The following EMCN variants were observed in gnomAD, a reference collection of about 807,000 sequenced individuals.
The protein encoded by EMCN is MUC-14.
Under a neutral mutation model 38.4 loss-of-function variants are expected in EMCN, and 37 were observed. The ratio of observed to expected loss-of-function variants is 0.96; its 90% CI spans 0.74 to 1.27. The LOEUF (loss-of-function observed/expected upper bound fraction) is 1.27. EMCN is among the 50% of genes most tolerant of loss of function. The pLI, the probability that EMCN is intolerant of heterozygous loss-of-function variation, is 0.00. For synonymous variants in EMCN, 95 were observed against 100.8 expected (o/e 0.94, Z 0.35); for missense variants, 318 against 302.8 (o/e 1.05, Z -0.37).
At chr4:100,443,353 T>C (rs1727575503) in intron 5 of EMCN, among the ~76,000 whole-genome samples, 1 of 152,218 alleles carries the variant, frequency 6.6e-6, no homozygotes, top group Admixed American at 6.5e-5. Context: ...TGCATATGGG[T>C]CTGAGGCTGC....
At chr4:100,482,112 T>C (rs1459706963) in intron 1 of EMCN, among the ~76,000 whole-genome samples, 1 of 152,160 alleles carries the variant, frequency 6.6e-6, no homozygotes, top group African/African-American at 2.4e-5. Context: ...TAATAATGTA[T>C]ATCATATATG....
intron 3 of EMCN, among the ~76,000 whole-genome samples, chr4:100,470,750 G>C (rs1728454707): frequency 6.6e-6 from 1 of 151,966 alleles, no homozygotes; most frequent in African/African-American, 2.4e-5. Context: ...GGATGAAGCT[G>C]GAGGACATTA....
chr4:100,463,511 C>T lies in EMCN; in HGVS notation c.376+1912G>A, dbSNP rs75090244. Among the ~76,000 whole-genome samples, 1,219 of 152,246 alleles carry T rather than the reference C, an allele frequency of 8.0e-3. 18 individuals are homozygous for T. The highest frequency in any genetic ancestry group is 0.027 in the African/African-American group (1,118 of 41,550). ...AGCTTTATAAAAAATATGATTTACACACCATTAAATGCACTCATTTTAAGA... is the reference window on the plus strand; with the variant it reads ...AGCTTTATAAAAAATATGATTTACATACCATTAAATGCACTCATTTTAAGA... On this transcript the variant is annotated intron_variant, in intron 4 of 11. Coordinates refer to ENST00000296420, the MANE Select transcript of EMCN (RefSeq NM_016242.4).
chr4:100,441,392 G>A (rs1470203369), intron 5 of EMCN, among the ~76,000 whole-genome samples: 1 of 152,110 alleles, frequency 6.6e-6, no homozygotes. Context: ...CAGCCTATGT[G>A]TCCTTAAAGC....
intron 11 of EMCN, among the ~76,000 whole-genome samples, chr4:100,400,875 G>A (rs1726240552): frequency 6.6e-6 from 1 of 151,988 alleles, no homozygotes; most frequent in Non-Finnish European, 1.5e-5. Flanking sequence ...ACCAATATCA[G>A]TCTTTGCTTT....
At chr4:100,424,635 G>A (rs1471782596) in intron 5 of EMCN, among the ~76,000 whole-genome samples, 2 of 152,052 alleles carry the variant, frequency 1.3e-5, no homozygotes, top group Non-Finnish European at 2.9e-5. Flanking sequence ...ATCTGTGGGT[G>A]GAAGCTAGAT....
chr4:100,447,730 A>T (rs1727718164), intron 4 of EMCN, among the ~76,000 whole-genome samples, 159 bp from the exon 5 acceptor site: 1 of 152,150 alleles, frequency 6.6e-6, no homozygotes, highest in South Asian at 2.1e-4. Flanking sequence ...GATTACAAGA[A>T]ACTTCAGAGA....
intron 5 of EMCN, among the ~76,000 whole-genome samples, chr4:100,444,803 G>T (rs1384406753): frequency 6.6e-6 from 1 of 152,128 alleles, no homozygotes; most frequent in Non-Finnish European, 1.5e-5. Context: ...GAGACAAGAG[G>T]TAGGGGCTGA....
chr4:100,473,521 C>G (rs1327916240), intron 3 of EMCN, among the ~76,000 whole-genome samples: 1 of 151,652 alleles, frequency 6.6e-6, no homozygotes, highest in Non-Finnish European at 1.5e-5. Flanking sequence ...GCAGACAACT[C>G]ACGATATAAA....
At chr4:100,470,036 G>T (rs1333340045) in intron 3 of EMCN, among the ~76,000 whole-genome samples, 3 of 151,946 alleles carry the variant, frequency 2.0e-5, no homozygotes, top group African/African-American at 7.2e-5. Context: ...AGCAAAAATT[G>T]ACAAATGGGA....
At chr4:100,514,654 A>C (rs1181059104) in intron 1 of EMCN, among the ~76,000 whole-genome samples, 1 of 152,056 alleles carries the variant, frequency 6.6e-6, no homozygotes, top group Non-Finnish European at 1.5e-5. Context: ...CTTATTTCTC[A>C]GTACTTAACT....
At chr4:100,469,167 A>T (rs950339249) in intron 3 of EMCN, among the ~76,000 whole-genome samples, 1 of 152,128 alleles carries the variant, frequency 6.6e-6, no homozygotes, top group Non-Finnish European at 1.5e-5. Context: ...GCACTGGGGA[A>T]ACTGTGCTAC....
At chr4:100,454,811 G>A (rs1327106291) in intron 4 of EMCN, among the ~76,000 whole-genome samples, 1 of 151,968 alleles carries the variant, frequency 6.6e-6, no homozygotes, top group East Asian at 1.9e-4. Context: ...CTTTATCCCC[G>A]ATAAAACTCC....
At chr4:100,462,820 G>C (rs942703731) in intron 4 of EMCN, among the ~76,000 whole-genome samples, 18 of 152,088 alleles carry the variant, frequency 1.2e-4, no homozygotes, top group African/African-American at 4.3e-4. Flanking sequence ...TGTGAAATTA[G>C]ACTCCTTCTA....
intron 3 of EMCN, among the ~76,000 whole-genome samples, chr4:100,466,229 T>C (rs1002527142): frequency 2.6e-5 from 4 of 152,206 alleles, no homozygotes; most frequent in African/African-American, 7.2e-5. Flanking sequence ...TTCAGTCTAA[T>C]GTGGAAACAT....
At chr4:100,469,205 T>G (rs538291656) in intron 3 of EMCN, among the ~76,000 whole-genome samples, 70 of 152,178 alleles carry the variant, frequency 4.6e-4, no homozygotes, top group African/African-American at 1.7e-3. Context: ...AATTGCACCC[T>G]TATTTGACAC....
Position 100,467,681 on chromosome 4 carries a change from C to CAAAAA in EMCN, c.260-2147_260-2143dup, listed in dbSNP as rs3974786. On this transcript the variant is annotated intron_variant, in intron 3 of 11. Coordinates refer to ENST00000296420, the MANE Select transcript of EMCN (RefSeq NM_016242.4). ...TGGGCGAAAGAGTGAGACTCCGTCT[C>CAAAAA]AAAAAAAAAAAAAAAAAAAAGATAT... Among the ~76,000 whole-genome samples, 11 of 83,576 alleles carry CAAAAA rather than the reference C, an allele frequency of 1.3e-4. 1 individual carries two copies. The highest frequency in any genetic ancestry group is 1.3e-4 in the Non-Finnish European group (6 of 46,360). 54.8% of individuals were successfully genotyped at this position (83,576 alleles called of 152,430 possible). A position where few individuals can be genotyped will look rare whatever the true frequency, so the allele number is the denominator to read the frequency against.
intron 4 of EMCN, among the ~76,000 whole-genome samples, chr4:100,453,120 T>A (rs1289635241): frequency 2.0e-5 from 3 of 151,788 alleles, no homozygotes; most frequent in Non-Finnish European, 4.4e-5. Context: ...GGCAAGGACT[T>A]CCTCTCTAAA....
intron 10 of EMCN, among the ~76,000 whole-genome samples, chr4:100,410,612 C>T (rs549182791): frequency 5.9e-5 from 9 of 151,666 alleles, no homozygotes; most frequent in African/African-American, 1.5e-4. Flanking sequence ...GCAGTGGGGG[C>T]GGGGATGTGA....
Sources: gnomAD v4.1 joint callset for allele counts (sites outside exome capture counted in the v4.1 genomes callset) on GRCh38, gnomAD v4.1.1 for gene constraint, MANE v1.5 for transcripts, NCBI Gene and HGNC (gene_info 2026-07-23, HGNC 2026-07-21) for gene names.